RGS14: variants seen among roughly 807,000 people sequenced by gnomAD.
The protein encoded by RGS14 is regulator of G-protein signaling 14.
Under a neutral mutation model 63.8 loss-of-function variants are expected in RGS14, and 33 were observed. The ratio of observed to expected loss-of-function variants is 0.52; its 90% CI spans 0.39 to 0.69. The LOEUF is 0.69. Among genes scored for constraint, RGS14 ranks in the 30% least tolerant of loss-of-function variants. RGS14 has a pLI of 0.00. For synonymous variants in RGS14, 296 were observed against 320.9 expected, an observed-to-expected ratio of 0.92 and a Z score of 0.83; for missense variants, 739 against 742.9, an observed-to-expected ratio of 0.99 and a Z score of 0.06.
Position 177,366,308 on chromosome 5 carries a change from T to C in RGS14, c.199T>C (p.Ser67Pro). 6.4e-7 allele frequency: 1 copy of C among 1,555,652 alleles called. No homozygotes were observed. The highest frequency in any genetic ancestry group is 8.7e-7 in the Non-Finnish European group (1 of 1,150,460). Residue 67 changes from serine to proline, a missense_variant, in exon 3 of 15, where the codon TCC becomes CCC. Coordinates refer to ENST00000408923, the MANE Select transcript of RGS14 (RefSeq NM_006480.5). ...GCAGCCTGTGGCCAGCTGGGCCCTGTCCTTCGAGCGGCTGTTGCAGGACCC... is the reference window on the plus strand; with the variant it reads ...GCAGCCTGTGGCCAGCTGGGCCCTGCCCTTCGAGCGGCTGTTGCAGGACCC... ...EEQPVASWAL[S>P]FERLLQDPLG...
chr5:177,371,069 C>CGGGGCCGGGCCGGGGCCGGGGCCG lies in RGS14; in HGVS notation c.1254+41_1254+42insGCCGGGCCGGGGCCGGGGCCGGGG, dbSNP rs566940283. On this transcript the variant is annotated intron_variant, in intron 11 of 14. Transcript: ENST00000408923. This position sits in a 1 kb window ranked among gnomAD's most constrained non-coding sequence, Gnocchi z 6.1. ...GCCGCGGGGCGGGGCGGGGCGGGGC[C>CGGGGCCGGGCCGGGGCCGGGGCCG]GGGCCGGGGCCGGGGCCGGGGCCGG... 1.1e-5 allele frequency: 6 copies of CGGGGCCGGGCCGGGGCCGGGGCCG among 552,496 alleles called. No homozygotes were observed. In the African/African-American group the frequency reaches 1.8e-4, roughly 16 times the overall value. 34.2% of individuals were successfully genotyped at this position (552,496 alleles called of 1,614,324 possible).
chr5:177,363,373 C>A (rs955321331), intron 1 of RGS14, among the ~76,000 whole-genome samples: 2 of 152,076 alleles, frequency 1.3e-5, no homozygotes, highest in Non-Finnish European at 2.9e-5. Context: ...GCGCGCTCTG[C>A]ACTAACTCGC....
intron 1 of RGS14, among the ~76,000 whole-genome samples, chr5:177,362,978 C>A (rs73804306): frequency 1.4e-4 from 21 of 152,040 alleles, no homozygotes; most frequent in African/African-American, 4.8e-4. Flanking sequence ...TCAGGGTGTG[C>A]GCGAGGAGGG....
At chr5:177,362,039 T>C (rs1335887027) in intron 1 of RGS14, among the ~76,000 whole-genome samples, 1 of 152,144 alleles carries the variant, frequency 6.6e-6, no homozygotes, top group African/African-American at 2.4e-5. Flanking sequence ...GCTGCTCTGA[T>C]TGTGGCATGC....
chr5:177,362,682 G>T (rs1355902945), intron 1 of RGS14, among the ~76,000 whole-genome samples: 1 of 151,826 alleles, frequency 6.6e-6, no homozygotes, highest in Admixed American at 6.6e-5. Context: ...TGAGGGGGAG[G>T]AAAATGGGTG....
chr5:177,365,988 A>C lies in RGS14; in HGVS notation c.67+4A>C. 6.2e-7 allele frequency: 1 copy of C among 1,613,742 alleles called. No homozygotes were observed. The highest frequency in any genetic ancestry group is 1.1e-5 in the South Asian group (1 of 91,066). ...GTTCTGGCTGTGTCAGATGGAGGTA[A>C]GTGACAGAATGTGTGGAGAACTGGC... On this transcript the variant is annotated splice_donor_region_variant and intron_variant, in intron 2 of 14. Coordinates refer to ENST00000408923, the MANE Select transcript of RGS14 (RefSeq NM_006480.5).
At chr5:177,370,836 G>T in intron 10 of RGS14, 69 bp from the exon 11 acceptor site, 1 of 1,582,762 alleles carries the variant, frequency 6.3e-7, no homozygotes, top group Non-Finnish European at 8.5e-7. Context: ...ACCCCCTCGC[G>T]TTTGTCCTGG....
intron 1 of RGS14, among the ~76,000 whole-genome samples, chr5:177,362,899 G>A (rs1215637809): frequency 1.3e-5 from 2 of 152,182 alleles, no homozygotes; most frequent in Non-Finnish European, 2.9e-5. Flanking sequence ...AAACAAAATT[G>A]AAGTGCTGGC....
At chr5:177,363,173 C>T (rs962436382) in intron 1 of RGS14, among the ~76,000 whole-genome samples, 2 of 152,142 alleles carry the variant, frequency 1.3e-5, no homozygotes, top group African/African-American at 4.8e-5. Context: ...GGAAAGGCTT[C>T]GTCCCGTCCC....
rs1043730402 is a variant in RGS14, at chr5:177,366,715, TGAA to T, written c.259_261del (p.Lys87del). 6 of 1,614,138 alleles carry T rather than the reference TGAA, an allele frequency of 3.7e-6. No homozygotes were observed. Among genetic ancestry groups the T allele is most frequent in the African/African-American group, 2.7e-5 (2 of 75,036 alleles). ...CCCTCCTTCCCCTCCCAGGAGTTCCTGAAGAAGGAGTTCAGCGCGGAAAACGTG... is the reference window on the plus strand; with the variant it reads ...CCCTCCTTCCCCTCCCAGGAGTTCCTGAAGGAGTTCAGCGCGGAAAACGTG... On this transcript the variant is annotated inframe_deletion, in exon 4 of 15. Coordinates refer to ENST00000408923, the MANE Select transcript of RGS14 (RefSeq NM_006480.5).
At position 177,366,271 on chromosome 5, in the gene RGS14, C is replaced by G. The variant is rs1381403699; in HGVS notation, c.162C>G (p.Phe54Leu). Reference sequence around the variant, plus strand: ...TCCCCAGTGGTCCCAGCAGCCCCTTCCCAACCGAGGAGCAGCCTGTGGCCA... The same window carrying G: ...TCCCCAGTGGTCCCAGCAGCCCCTTGCCAACCGAGGAGCAGCCTGTGGCCA... ...HSLPSGPSSP[F>L]PTEEQPVASW... is the part of the protein sequence containing the mutation. The change falls in exon 3 of 15, where the codon TTC becomes TTG. Residue 54 changes from phenylalanine to leucine, a missense_variant. Phe to Leu is a conservative substitution (Grantham distance 22). Transcript: ENST00000408923. 1.3e-6 allele frequency: 2 copies of G among 1,573,712 alleles called. No homozygotes were observed. The highest frequency in any genetic ancestry group is 2.7e-5 in the African/African-American group (2 of 74,022).
rs1175874843 is a variant in RGS14 at position 177,358,188 on chromosome 5, A to T, written c.45+119A>T. The T allele has an allele frequency of 3.7e-6, 3 of 815,600 alleles. No homozygotes were observed. Among genetic ancestry groups the T allele is most frequent in the Admixed American group, 8.5e-5 (2 of 23,518 alleles). 50.5% of individuals were successfully genotyped at this position (815,600 alleles called of 1,614,324 possible). ...CCACGGGCTGCCAGCAGGCGAGAGA[A>T]GTTGGGTACAGACAGCAGCAGGTGG... On this transcript the variant is annotated intron_variant, in intron 1 of 14. Transcript: ENST00000408923. The surrounding 1 kb of genome is among the most constrained non-coding windows in gnomAD (Gnocchi z 4.8).
chr5:177,368,957 C>T (rs1407888497), intron 9 of RGS14, 37 bp downstream of exon 9: 1 of 1,590,408 alleles, frequency 6.3e-7, no homozygotes, highest in South Asian at 1.1e-5. Flanking sequence ...TAACCTCCTT[C>T]CTGATCCTGA....
chr5:177,366,412 G>A, intron 3 of RGS14, 57 bp downstream of exon 3: 3 of 1,444,758 alleles, frequency 2.1e-6, no homozygotes, highest in Non-Finnish European at 2.8e-6. Context: ...GGGCGTGGAT[G>A]GAGCTTCAGG....
rs1036269455 is a variant in RGS14, at chr5:177,358,825, C to A, written c.45+756C>A. ...GTTCCCCCCTCACTTGGAAGAGTCC[C>A]TCTTAACAACCTCAGGAAGGCCAGT... On this transcript the variant is annotated intron_variant, in intron 1 of 14. Coordinates refer to ENST00000408923, the MANE Select transcript of RGS14 (RefSeq NM_006480.5). This position sits in a 1 kb window ranked among gnomAD's most constrained non-coding sequence, Gnocchi z 4.8. 6.6e-6 allele frequency among the ~76,000 whole-genome samples: 1 copy of A among 152,218 alleles called. No homozygotes were observed. The highest frequency in any genetic ancestry group is 1.5e-5 in the Non-Finnish European group (1 of 68,034).
chr5:177,371,539 T>G lies in RGS14; in HGVS notation c.1448T>G (p.Val483Gly). The G allele has an allele frequency of 6.2e-7, 1 of 1,613,668 alleles. No individual in the cohort carries two copies. Among genetic ancestry groups the G allele is most frequent in the East Asian group, 2.2e-5 (1 of 44,834 alleles). The change falls in exon 14 of 15, where the codon GTG (valine) becomes GGG (glycine). Residue 483 changes from valine (V) to glycine (G), a missense_variant. By Grantham distance (109) the Val-to-Gly change is moderately radical. Coordinates refer to ENST00000408923, the MANE Select transcript of RGS14 (RefSeq NM_006480.5). The surrounding 1 kb of genome is among the most constrained non-coding windows in gnomAD (Gnocchi z 6.1). ...HPPPASPSSL[V>G]KVPSSATGKR... ...CCTCCAGCGTCCCCCAGTTCTCTGG[T>G]GAAGGTGCCCAGTAGTGCCACTGGA...
intron 8 of RGS14, 115 bp downstream of exon 8, chr5:177,368,381 C>A: frequency 1.8e-6 from 2 of 1,121,222 alleles, no homozygotes; most frequent in Non-Finnish European, 2.5e-6. Context: ...TCCCAGCTTG[C>A]TCTGCGTAGC....
rs1196636708 is a variant in RGS14, at chr5:177,367,020, G to A, written c.469G>A (p.Ala157Thr). Residue 157 changes from alanine to threonine, a missense_variant, in exon 5 of 15, where the codon GCA becomes ACA. Ala to Thr is a moderately conservative substitution (Grantham distance 58, BLOSUM62 0). Coordinates refer to ENST00000408923, the MANE Select transcript of RGS14 (RefSeq NM_006480.5). ...LAEPRPDMFR[A>T]QQLQIFNLMK... ...CGAGCCCCGGCCGGACATGTTTCGG[G>A]CACAGCAGCTTCAGGTGGGCGATCC... 1 of 1,610,804 alleles carries A rather than the reference G, an allele frequency of 6.2e-7. No individual in the cohort carries two copies. The highest frequency in any genetic ancestry group is 8.5e-7 in the Non-Finnish European group (1 of 1,179,010).
rs566940283 is a variant in RGS14 at position 177,371,069 on chromosome 5, C to CGGGGCGGGGCCGGGCCGGGGCCGGGGCCG, written c.1254+41_1254+42insGCGGGGCCGGGCCGGGGCCGGGGCCGGGG. ...GCCGCGGGGCGGGGCGGGGCGGGGC[C>CGGGGCGGGGCCGGGCCGGGGCCGGGGCCG]GGGCCGGGGCCGGGGCCGGGGCCGG... is the stretch of plus-strand genomic sequence containing the variant. On this transcript the variant is annotated intron_variant, in intron 11 of 14. Coordinates refer to ENST00000408923, the MANE Select transcript of RGS14 (RefSeq NM_006480.5). The surrounding 1 kb of genome is among the most constrained non-coding windows in gnomAD (Gnocchi z 6.1). 22 of 552,512 alleles carry CGGGGCGGGGCCGGGCCGGGGCCGGGGCCG rather than the reference C, an allele frequency of 4.0e-5. No individual in the cohort carries two copies. In the African/African-American group the frequency reaches 6.7e-4, roughly 17 times the overall value. The allele number at this position is 552,512 out of a possible 1,614,324, so 34.2% of individuals were successfully genotyped here.
Sources: allele counts gnomAD v4.1 joint callset (sites outside exome capture counted in the v4.1 genomes callset), GRCh38; gene constraint gnomAD v4.1.1; non-coding constraint Gnocchi (gnomAD v3.1); transcripts MANE v1.5; gene names NCBI Gene and HGNC (gene_info 2026-07-23, HGNC 2026-07-21).